The following NXPE2 variants were observed in gnomAD, a reference collection of about 807,000 sequenced individuals.
NXPE2 encodes the protein neurexophilin and PC-esterase domain family member 2.
A neutral mutation model predicts 34.4 loss-of-function variants in NXPE2; 34 were observed. That is an observed-to-expected ratio of 0.99 (90% CI 0.75 to 1.31). The LOEUF is 1.31. NXPE2 is among the 40% of genes most tolerant of loss of function. NXPE2 has a pLI of 0.00. For synonymous variants in NXPE2, 235 were observed against 231.3 expected, an observed-to-expected ratio of 1.02 and a Z score of -0.15; for missense variants, 649 against 672.5, an observed-to-expected ratio of 0.97 and a Z score of 0.39.
At chr11:114,682,813 C>G (rs1950971432) in intron 2 of NXPE2, among the ~76,000 whole-genome samples, 1 of 150,968 alleles carries the variant, frequency 6.6e-6, no homozygotes, top group South Asian at 2.1e-4. Flanking sequence ...GAAAACATTG[C>G]TAGCATAAGG....
the NXPE2 span, among the ~76,000 whole-genome samples, chr11:114,625,785 TG>T: frequency 6.6e-6 from 1 of 151,944 alleles, no homozygotes; most frequent in African/African-American, 2.4e-5. Context: ...CATTAGGGAG[TG>T]CCAGACAGTG....
chr11:114,493,109 A>G, the NXPE2 span, among the ~76,000 whole-genome samples: 1 of 152,112 alleles, frequency 6.6e-6, no homozygotes, highest in African/African-American at 2.4e-5. Flanking sequence ...TTTATTTGAT[A>G]TAAGTATAGC....
chr11:114,543,220 G>T, the NXPE2 span, among the ~76,000 whole-genome samples: 1 of 152,128 alleles, frequency 6.6e-6, no homozygotes, highest in Admixed American at 6.6e-5. Flanking sequence ...GTTGGGCATG[G>T]TGGCGGGCAG....
At chr11:114,516,728 A>G in the NXPE2 span, among the ~76,000 whole-genome samples, 1 of 152,196 alleles carries the variant, frequency 6.6e-6, no homozygotes, top group African/African-American at 2.4e-5. Context: ...ACAAAGCCAC[A>G]TGAAAAGATG....
chr11:114,505,397 A>T, the NXPE2 span, among the ~76,000 whole-genome samples: 1 of 152,080 alleles, frequency 6.6e-6, no homozygotes, highest in Non-Finnish European at 1.5e-5. Flanking sequence ...TACTTCACAA[A>T]AAGATTATCC....
the NXPE2 span, among the ~76,000 whole-genome samples, chr11:114,671,137 C>T: frequency 2.0e-5 from 3 of 149,326 alleles, no homozygotes; most frequent in Non-Finnish European, 3.0e-5. Context: ...TTGAAAAGTA[C>T]AATAACTGAT....
At chr11:114,757,041 C>A in the NXPE2 span, among the ~76,000 whole-genome samples, 1 of 152,086 alleles carries the variant, frequency 6.6e-6, no homozygotes, top group Non-Finnish European at 1.5e-5. Context: ...AGATCTCTTT[C>A]CAGCTGCACT....
the NXPE2 span, among the ~76,000 whole-genome samples, chr11:114,510,889 G>T: frequency 6.6e-6 from 1 of 152,102 alleles, no homozygotes; most frequent in South Asian, 2.1e-4. Context: ...GGCAGAGAAA[G>T]GAAGGTGTAC....
chr11:114,525,745 C>T, the NXPE2 span, among the ~76,000 whole-genome samples: 32 of 152,234 alleles, frequency 2.1e-4, no homozygotes, highest in East Asian at 9.7e-4. Context: ...CTTGCTTGCC[C>T]GCCCTGTAGG....
chr11:114,640,029 C>T, the NXPE2 span, among the ~76,000 whole-genome samples: 3 of 115,276 alleles, frequency 2.6e-5, no homozygotes, highest in African/African-American at 1.1e-4. Context: ...TATAATGTAA[C>T]ATAATTATAT....
At chr11:114,587,681 GC>G in the NXPE2 span, among the ~76,000 whole-genome samples, 165 of 152,314 alleles carry the variant, frequency 1.1e-3, 1 homozygote, top group African/African-American at 3.7e-3. Context: ...TTGGGGGGAT[GC>G]CCCCACTGTC....
chr11:114,659,839 G>A, the NXPE2 span, among the ~76,000 whole-genome samples: 1 of 151,998 alleles, frequency 6.6e-6, no homozygotes, highest in Non-Finnish European at 1.5e-5. Context: ...AGTAATCAAT[G>A]AAATTAAAAA....
the NXPE2 span, chr11:114,522,594 C>T: frequency 9.5e-7 from 1 of 1,049,322 alleles, no homozygotes; most frequent in Non-Finnish European, 1.3e-6. Context: ...ACCCACCCTA[C>T]CTAGATAATT....
chr11:114,513,312 G>C, the NXPE2 span: 1 of 452,918 alleles, frequency 2.2e-6, no homozygotes. Flanking sequence ...GGTGGGATCA[G>C]CTGGTCTAGT....
chr11:114,679,357 C>A (rs1427552750), intron 1 of NXPE2, among the ~76,000 whole-genome samples: 5 of 151,900 alleles, frequency 3.3e-5, no homozygotes, highest in African/African-American at 1.2e-4. Context: ...GGTAAATAAT[C>A]TAAAACCTTG....
chr11:114,523,113 A>G, the NXPE2 span: 1 of 1,574,196 alleles, frequency 6.4e-7, no homozygotes, highest in Non-Finnish European at 8.7e-7. Context: ...GACACTCGTA[A>G]ATGATTTTAT....
the NXPE2 span, among the ~76,000 whole-genome samples, chr11:114,602,390 ATAT>A: frequency 7.8e-6 from 1 of 128,790 alleles, no homozygotes; most frequent in Non-Finnish European, 1.6e-5. Flanking sequence ...ATTATGCTAT[ATAT>A]TATATATTAT....
chr11:114,570,526 C>T, the NXPE2 span: 57,163 of 155,770 alleles, frequency 0.37, 10,771 homozygotes, highest in East Asian at 0.65. Context: ...CCTCACAAGA[C>T]TTCTCTTCTG....
At chr11:114,762,397 G>A in the NXPE2 span, among the ~76,000 whole-genome samples, 1 of 152,180 alleles carries the variant, frequency 6.6e-6, no homozygotes, top group Non-Finnish European at 1.5e-5. Context: ...GTGAGGCAAT[G>A]AGGCTTATTT....
Sources: allele counts gnomAD v4.1 joint callset (sites outside exome capture counted in the v4.1 genomes callset), GRCh38; gene constraint gnomAD v4.1.1; transcripts MANE v1.5; gene names NCBI Gene and HGNC (gene_info 2026-07-23, HGNC 2026-07-21).